ATRN: variants seen among roughly 807,000 people sequenced by gnomAD.
ATRN encodes attractin, also known as attractin-2.
Under a neutral mutation model 178.7 loss-of-function variants are expected in ATRN, and 54 were observed. The ratio of observed to expected loss-of-function variants is 0.30; its 90% CI spans 0.24 to 0.38. The LOEUF (loss-of-function observed/expected upper bound fraction) is 0.38, where lower values mean the gene tolerates loss of function less well. Among genes scored for constraint, ATRN ranks in the 10% least tolerant of loss-of-function variants. The pLI, the probability that ATRN is intolerant of heterozygous loss-of-function variation, is 1.00. For missense variants in ATRN, 1,443 were observed against 1,815.1 expected (o/e 0.79, Z 3.73); for synonymous variants, 636 against 663.0 (o/e 0.96, Z 0.63).
intron 1 of ATRN, among the ~76,000 whole-genome samples, chr20:3,503,092 G>A (rs552514636): frequency 6.6e-6 from 1 of 151,872 alleles, no homozygotes; most frequent in East Asian, 1.9e-4. Flanking sequence ...ACCCTCTCAG[G>A]CAGTGCCAGC....
intron 1 of ATRN, among the ~76,000 whole-genome samples, chr20:3,498,407 G>C (rs1040552321): frequency 1.3e-5 from 2 of 152,110 alleles, no homozygotes; most frequent in Non-Finnish European, 2.9e-5. Context: ...CAATATCCTT[G>C]ATAAACATTG....
intron 6 of ATRN, among the ~76,000 whole-genome samples, chr20:3,554,792 T>G (rs901922176): frequency 2.6e-5 from 4 of 152,106 alleles, no homozygotes; most frequent in African/African-American, 9.7e-5. Context: ...GTGAAATAAG[T>G]GGTCTTGGTC....
intron 24 of ATRN, among the ~76,000 whole-genome samples, chr20:3,605,666 G>A (rs1157514267): frequency 6.6e-6 from 1 of 152,140 alleles, no homozygotes; most frequent in Admixed American, 6.5e-5. Context: ...CGGAAAACCA[G>A]GTACCACATG....
In ATRN at chr20:3,591,248, C is replaced by T. The variant is rs764145197; in HGVS notation, c.3264C>T (p.His1088=). Residue 1088 remains histidine, a synonymous_variant, in exon 19 of 29, where the codon CAC becomes CAT. Transcript: ENST00000262919. The stretch of plus-strand genomic sequence containing the variant: ...GTGAGAACCTGACCACAGGCAAGCA[C>T]TGCGAGACCTGCATATCTGGCTTCT... ...EKCENLTTGK[H]CETCISGFYG... 5.0e-6 allele frequency: 8 copies of T among 1,614,084 alleles called. No homozygotes were observed. The highest frequency in any genetic ancestry group is 1.7e-5 in the Admixed American group (1 of 60,006).
chr20:3,537,111 C>T (rs1254588922), intron 2 of ATRN, among the ~76,000 whole-genome samples: 4 of 152,172 alleles, frequency 2.6e-5, no homozygotes, highest in African/African-American at 9.7e-5. Flanking sequence ...TATTCCATTA[C>T]ATAATATTTT....
intron 1 of ATRN, among the ~76,000 whole-genome samples, chr20:3,522,882 A>G (rs1010155108): frequency 6.6e-6 from 1 of 152,128 alleles, no homozygotes; most frequent in African/African-American, 2.4e-5. Flanking sequence ...AACAAAAAGG[A>G]CGTCCATACA....
chr20:3,626,880 G>A (rs1283464019), intron 25 of ATRN, among the ~76,000 whole-genome samples: 3 of 143,920 alleles, frequency 2.1e-5, no homozygotes, highest in Admixed American at 7.2e-5. Context: ...GCCGCCTCCC[G>A]GGTTCAAGCA....
chr20:3,561,031 A>T, intron 8 of ATRN, 126 bp downstream of exon 8: 2 of 1,279,256 alleles, frequency 1.6e-6, no homozygotes, highest in Non-Finnish European at 2.2e-6. Context: ...AAACATAGTA[A>T]ACACTGGGCC....
chr20:3,578,534 T>C (rs1158450045), intron 14 of ATRN, 48 bp from the exon 15 acceptor site: 1 of 1,508,140 alleles, frequency 6.6e-7, no homozygotes, highest in Admixed American at 1.9e-5. Context: ...ACAGTAGTTT[T>C]GTCTGATTTC....
chr20:3,562,551 C>A, intron 9 of ATRN, 92 bp downstream of exon 9: 4 of 1,304,578 alleles, frequency 3.1e-6, no homozygotes, highest in Non-Finnish European at 4.3e-6. Context: ...TGTTTTCATG[C>A]CTGGCAGATA....
At chr20:3,580,627 G>C (rs2086269917) in intron 15 of ATRN, among the ~76,000 whole-genome samples, 1 of 152,152 alleles carries the variant, frequency 6.6e-6, no homozygotes, top group African/African-American at 2.4e-5. Flanking sequence ...AGACGGAAGG[G>C]CTTTCTGTGA....
chr20:3,495,630 C>T (rs761573779), intron 1 of ATRN, among the ~76,000 whole-genome samples: 1 of 151,980 alleles, frequency 6.6e-6, no homozygotes, highest in Admixed American at 6.6e-5. Flanking sequence ...AATTCAATAG[C>T]AGTTCAGTCT....
At position 3,482,263 on chromosome 20, in the gene ATRN, A is replaced by G. The variant is rs551852135; in HGVS notation, c.410+10746A>G. On this transcript the variant is annotated intron_variant, in intron 1 of 28. Coordinates refer to ENST00000262919, the MANE Select transcript of ATRN (RefSeq NM_139321.3). ...CTTTAATTATGTAAGGAAAAGCATG[A>G]GTTGTAGACAAAAAAAAAAGACATT... 5.3e-5 allele frequency among the ~76,000 whole-genome samples: 8 copies of G among 152,040 alleles called. No individual in the cohort carries two copies. In the East Asian group the frequency reaches 1.3e-3, roughly 26 times the overall value.
At chr20:3,528,000 A>G (rs1179295078) in intron 1 of ATRN, among the ~76,000 whole-genome samples, 1 of 152,016 alleles carries the variant, frequency 6.6e-6, no homozygotes, top group Admixed American at 6.6e-5. Flanking sequence ...GCAAACCACC[A>G]TGGCACGTGT....
intron 11 of ATRN, 108 bp from the exon 12 acceptor site, chr20:3,572,623 C>T (rs1458629756): frequency 1.0e-6 from 1 of 952,506 alleles, no homozygotes; most frequent in Non-Finnish European, 1.5e-6. Context: ...TTGAGACTAG[C>T]CTGGGCAACA....
intron 15 of ATRN, among the ~76,000 whole-genome samples, chr20:3,580,773 G>C (rs1270200066): frequency 2.6e-5 from 4 of 152,144 alleles, no homozygotes; most frequent in Admixed American, 2.6e-4. Flanking sequence ...GCCTCAGGAA[G>C]GAACCAAGGC....
chr20:3,476,867 A>C (rs759088648), intron 1 of ATRN, among the ~76,000 whole-genome samples: 7 of 152,266 alleles, frequency 4.6e-5, no homozygotes, highest in Non-Finnish European at 8.8e-5. Flanking sequence ...TCTCGAAAGA[A>C]AGAAAGAAAA....
Position 3,648,577 on chromosome 20 carries a change from T to G in ATRN, c.*1730T>G, listed in dbSNP as rs1169080531. ...AATGCAGTGCCTAGAGAGAGAGTAT[T>G]GTCTCTTCCCCAACACTAACCCCAC... On this transcript the variant is annotated 3_prime_UTR_variant, in exon 29 of 29. Coordinates refer to ENST00000262919, the MANE Select transcript of ATRN (RefSeq NM_139321.3). The G allele has an allele frequency of 3.3e-5, 5 of 152,426 alleles. No individual in the cohort carries two copies. The highest frequency in any genetic ancestry group is 2.6e-4 in the Admixed American group (4 of 15,278). 9.4% of individuals were successfully genotyped at this position (152,426 alleles called of 1,614,324 possible). A position where few individuals can be genotyped will look rare whatever the true frequency, so the allele number is the denominator to read the frequency against.
chr20:3,607,355 T>C (rs2146294979), intron 24 of ATRN, among the ~76,000 whole-genome samples: 1 of 152,354 alleles, frequency 6.6e-6, no homozygotes, highest in East Asian at 1.9e-4. Flanking sequence ...CTTGTAACTC[T>C]ATTTTTATAC....
Sources: gnomAD v4.1 joint callset for allele counts (sites outside exome capture counted in the v4.1 genomes callset) on GRCh38, gnomAD v4.1.1 for gene constraint, MANE v1.5 for transcripts, NCBI Gene and HGNC (gene_info 2026-07-23, HGNC 2026-07-21) for gene names.